SENP7: variants seen among roughly 807,000 people sequenced by gnomAD.
The protein encoded by SENP7 is sentrin-specific protease 7.
SENP7 carries 64 observed loss-of-function variants against 141.2 expected under a neutral mutation model. The observed-to-expected ratio is 0.45, with a 90% confidence interval of 0.37 to 0.56. SENP7 has a LOEUF of 0.56. Ranked by LOEUF, SENP7 falls within the 20% of genes least tolerant of loss-of-function variation. SENP7 has a pLI of 0.00. For synonymous variants in SENP7, 382 were observed against 426.4 expected, an observed-to-expected ratio of 0.90 and a Z score of 1.28; for missense variants, 1,025 against 1,212.2, an observed-to-expected ratio of 0.85 and a Z score of 2.29.
chr3:101,370,958 A>AT (rs2060162323), intron 7 of SENP7, among the ~76,000 whole-genome samples: 1 of 152,190 alleles, frequency 6.6e-6, no homozygotes, highest in Non-Finnish European at 1.5e-5. Flanking sequence ...TCATCAAAAG[A>AT]TTTTTTTGTA....
intron 4 of SENP7, among the ~76,000 whole-genome samples, chr3:101,420,694 T>C (rs571300838): frequency 6.6e-6 from 1 of 152,316 alleles, no homozygotes; most frequent in East Asian, 1.9e-4. Context: ...CCCCCTGATA[T>C]GTGCAGTAAG....
At chr3:101,427,177 G>A (rs1045460309) in intron 4 of SENP7, among the ~76,000 whole-genome samples, 1 of 152,006 alleles carries the variant, frequency 6.6e-6, no homozygotes, top group African/African-American at 2.4e-5. Context: ...GATGAAACGG[G>A]GGTTCAACAT....
intron 11 of SENP7, among the ~76,000 whole-genome samples, chr3:101,356,541 T>C (rs1011071661): frequency 2.0e-5 from 3 of 152,214 alleles, no homozygotes; most frequent in Admixed American, 2.0e-4. Context: ...ACTTTAGTTG[T>C]AGATTAGTTT....
At chr3:101,331,555 G>A (rs1450402929) in intron 19 of SENP7, among the ~76,000 whole-genome samples, 2 of 46,654 alleles carry the variant, frequency 4.3e-5, no homozygotes, top group Admixed American at 5.9e-4. Context: ...AGCAAAAAAT[G>A]TCAATGGAAA....
At chr3:101,388,705 A>G in intron 6 of SENP7, among the ~76,000 whole-genome samples, 1 of 152,158 alleles carries the variant, frequency 6.6e-6, no homozygotes, top group Non-Finnish European at 1.5e-5. Context: ...TTTTAAACTG[A>G]GAGAGATATA....
chr3:101,401,140 A>C (rs935014176), intron 5 of SENP7, among the ~76,000 whole-genome samples: 10 of 152,074 alleles, frequency 6.6e-5, no homozygotes, highest in African/African-American at 2.2e-4. Flanking sequence ...CCTAGTGTGG[A>C]AGGCATGTTG....
chr3:101,480,444 G>T (rs189017288), intron 3 of SENP7, among the ~76,000 whole-genome samples: 1 of 152,190 alleles, frequency 6.6e-6, no homozygotes, highest in African/African-American at 2.4e-5. Flanking sequence ...TCAATAAATG[G>T]TGCTGAGAAA....
At chr3:101,379,744 G>A (rs1410347753) in intron 6 of SENP7, among the ~76,000 whole-genome samples, 6 of 152,136 alleles carry the variant, frequency 3.9e-5, no homozygotes, top group Non-Finnish European at 8.8e-5. Context: ...ACATGGTGCA[G>A]CCACTATGAA....
chr3:101,329,784 A>C lies in SENP7; in HGVS notation c.2751+550T>G, dbSNP rs2058999757. Reference sequence around the variant, plus strand: ...AAAACCCCATCTCTACTAAAAAAAAAAAAAAAAAAAAAATACAAAAATTAG... The same window carrying C: ...AAAACCCCATCTCTACTAAAAAAAACAAAAAAAAAAAAATACAAAAATTAG... On this transcript the variant is annotated intron_variant, in intron 20 of 23. Transcript: ENST00000394095. Among the ~76,000 whole-genome samples the C allele has an allele frequency of 2.7e-5, 4 of 150,722 alleles. No individual in the cohort carries two copies. In the East Asian group the frequency reaches 7.8e-4, roughly 29 times the overall value.
chr3:101,377,533 C>A lies in SENP7; in HGVS notation c.678-5407G>T, dbSNP rs546584238. The stretch of plus-strand genomic sequence containing the variant: ...TGAGTTTTATCTCCAGGAGTTCAAC[C>A]AGGTTCTCACAGTGAATATCAGAAA... On this transcript the variant is annotated intron_variant, in intron 6 of 23. Coordinates refer to ENST00000394095, the MANE Select transcript of SENP7 (RefSeq NM_020654.5). Among the ~76,000 whole-genome samples the A allele has an allele frequency of 4.6e-5, 7 of 152,264 alleles. No homozygotes were observed. In the South Asian group the frequency reaches 8.3e-4, roughly 18 times the overall value.
chr3:101,460,932 T>C (rs1004491929), intron 3 of SENP7, among the ~76,000 whole-genome samples: 1 of 150,164 alleles, frequency 6.7e-6, no homozygotes, highest in African/African-American at 2.4e-5. Flanking sequence ...CCCCATCTCT[T>C]AAAAGAAAAA....
intron 3 of SENP7, among the ~76,000 whole-genome samples, chr3:101,481,779 T>A (rs916675218): frequency 2.0e-5 from 3 of 152,198 alleles, no homozygotes; most frequent in Non-Finnish European, 4.4e-5. Context: ...CAAATATTTA[T>A]AACTTTTTAA....
chr3:101,425,975 G>C (rs79383569), intron 4 of SENP7, among the ~76,000 whole-genome samples: 1 of 152,098 alleles, frequency 6.6e-6, no homozygotes, highest in Non-Finnish European at 1.5e-5. Flanking sequence ...AGAATGAAAA[G>C]AAACAAACAA....
intron 4 of SENP7, among the ~76,000 whole-genome samples, chr3:101,449,640 A>C (rs1476389863): frequency 2.6e-5 from 4 of 152,198 alleles, no homozygotes; most frequent in Admixed American, 6.5e-5. Context: ...GTGAAGGAGA[A>C]ATAAAATCCT....
chr3:101,512,641 G>A (rs553905710), intron 1 of SENP7, among the ~76,000 whole-genome samples: 2 of 152,320 alleles, frequency 1.3e-5, no homozygotes, highest in South Asian at 4.1e-4. Context: ...CTCCCCAGCA[G>A]CAGCTACCTG....
intron 6 of SENP7, among the ~76,000 whole-genome samples, chr3:101,375,011 T>C (rs1032892459): frequency 6.6e-6 from 1 of 152,110 alleles, no homozygotes; most frequent in African/African-American, 2.4e-5. Context: ...TGAAAAGATG[T>C]TCAACGTCAC....
intron 1 of SENP7, among the ~76,000 whole-genome samples, chr3:101,509,152 T>C (rs1320393261): frequency 1.3e-5 from 2 of 152,004 alleles, no homozygotes; most frequent in African/African-American, 4.8e-5. Flanking sequence ...CTCCACCCCT[T>C]TCCCACTCCC....
chr3:101,438,832 G>T (rs535162277), intron 4 of SENP7, among the ~76,000 whole-genome samples: 2 of 152,024 alleles, frequency 1.3e-5, no homozygotes, highest in African/African-American at 4.8e-5. Flanking sequence ...CCGCGCCGGC[G>T]AGCGCCGCCC....
At chr3:101,435,067 T>C (rs2062331542) in intron 4 of SENP7, among the ~76,000 whole-genome samples, 1 of 152,060 alleles carries the variant, frequency 6.6e-6, no homozygotes, top group Non-Finnish European at 1.5e-5. Flanking sequence ...GACAGCTCAT[T>C]CATCATAACC....
Sources: allele counts gnomAD v4.1 joint callset (sites outside exome capture counted in the v4.1 genomes callset), GRCh38; gene constraint gnomAD v4.1.1; transcripts MANE v1.5; gene names NCBI Gene and HGNC (gene_info 2026-07-23, HGNC 2026-07-21).